Variants in GRM5 observed in about 807,000 individuals in gnomAD.
The protein encoded by GRM5 is glutamate metabotropic receptor 5.
A neutral mutation model predicts 83.1 loss-of-function variants in GRM5; 19 were observed. The ratio of observed to expected loss-of-function variants is 0.23; its 90% CI spans 0.16 to 0.34. GRM5 has a LOEUF of 0.34. Ranked by LOEUF, GRM5 falls within the 10% of genes least tolerant of loss-of-function variation. The pLI is 1.00. For synonymous variants in GRM5, 675 were observed against 633.6 expected (o/e 1.07, Z -0.98); for missense variants, 1,160 against 1,588.3 (o/e 0.73, Z 4.58).
intron 8 of GRM5, among the ~76,000 whole-genome samples, chr11:88,561,844 T>C (rs1211432615): frequency 6.6e-6 from 1 of 152,160 alleles, no homozygotes; most frequent in Non-Finnish European, 1.5e-5. Flanking sequence ...CCCTTTTCTA[T>C]TTGTGCTCTA....
At chr11:88,570,571 ATT>A (rs1194098388) in intron 7 of GRM5, among the ~76,000 whole-genome samples, 58 of 46,346 alleles carry the variant, frequency 1.3e-3, no homozygotes, top group African/African-American at 4.3e-3. Flanking sequence ...ATATATATAT[ATT>A]TTTTTTTTTT....
chr11:88,961,735 C>T (rs1378144401), intron 2 of GRM5, among the ~76,000 whole-genome samples: 1 of 152,156 alleles, frequency 6.6e-6, no homozygotes, highest in Non-Finnish European at 1.5e-5. Context: ...TGTCATCTGG[C>T]ATTGAGCATT....
At chr11:88,924,527 A>G (rs1314814283) in intron 2 of GRM5, among the ~76,000 whole-genome samples, 2 of 152,246 alleles carry the variant, frequency 1.3e-5, no homozygotes, top group East Asian at 1.9e-4. Flanking sequence ...GAAAGACATT[A>G]TACTAAGTCA....
rs540695278 is a variant in GRM5 at position 88,644,049 on chromosome 11, A to T, written c.1147+9119T>A. Among the ~76,000 whole-genome samples, 67 of 152,296 alleles carry T rather than the reference A, an allele frequency of 4.4e-4. No individual in the cohort carries two copies. In the South Asian group the frequency reaches 0.013, roughly 30 times the overall value. On this transcript the variant is annotated intron_variant, in intron 4 of 9. Coordinates refer to ENST00000305447, the MANE Select transcript of GRM5 (RefSeq NM_001143831.3). ...AATATAAACTCTTTGAATGTGAAAAACTTGCACACATTCTACAAATATTAT... is the reference window on the plus strand; with the variant it reads ...AATATAAACTCTTTGAATGTGAAAATCTTGCACACATTCTACAAATATTAT...
At chr11:88,866,004 C>T (rs1196203921) in intron 2 of GRM5, among the ~76,000 whole-genome samples, 1 of 152,080 alleles carries the variant, frequency 6.6e-6, no homozygotes, top group Non-Finnish European at 1.5e-5. Flanking sequence ...TGTGGCGATT[C>T]CTCAAGGATC....
Position 88,755,727 on chromosome 11 carries a change from C to G in GRM5, c.911+94179G>C, listed in dbSNP as rs148110141. ...AAGTAGTTCTGATATTTACCAGGAC[C>G]CATTTGCCTCCAAACAGAGAATTAA... is the stretch of plus-strand genomic sequence containing the variant. On this transcript the variant is annotated intron_variant, in intron 3 of 9. Coordinates refer to ENST00000305447, the MANE Select transcript of GRM5 (RefSeq NM_001143831.3). Among the ~76,000 whole-genome samples the G allele has an allele frequency of 3.3e-3, 499 of 152,128 alleles. 2 individuals carry two copies. Among genetic ancestry groups the G allele is most frequent in the African/African-American group, 0.011 (475 of 41,504 alleles).
chr11:88,616,379 G>A (rs1938483348), intron 4 of GRM5, among the ~76,000 whole-genome samples: 3 of 134,830 alleles, frequency 2.2e-5, no homozygotes, highest in Non-Finnish European at 4.7e-5. Flanking sequence ...ATAAGATAGG[G>A]CTTTGGAGTG....
chr11:89,036,179 G>GCCTT (rs1323284795), intron 2 of GRM5, among the ~76,000 whole-genome samples: 1 of 151,966 alleles, frequency 6.6e-6, no homozygotes, highest in Admixed American at 6.6e-5. Context: ...AACTGTCCAG[G>GCCTT]CCTTGCTCAT....
intron 2 of GRM5, among the ~76,000 whole-genome samples, chr11:88,882,483 C>T (rs1464001940): frequency 6.6e-6 from 1 of 150,408 alleles, no homozygotes; most frequent in African/African-American, 2.4e-5. Context: ...ATGGCATGAA[C>T]CCAGGAGGTG....
At chr11:89,054,046 G>C (rs184116613) in intron 1 of GRM5, among the ~76,000 whole-genome samples, 25 of 152,234 alleles carry the variant, frequency 1.6e-4, no homozygotes, top group Admixed American at 1.6e-3. Context: ...TCATGAGAAC[G>C]TTTTTCTGAG....
intron 4 of GRM5, among the ~76,000 whole-genome samples, chr11:88,606,978 C>T (rs986710329): frequency 7.4e-6 from 1 of 135,992 alleles, no homozygotes; most frequent in African/African-American, 2.7e-5. Flanking sequence ...CAAACAACAA[C>T]AACTCTCCAA....
intron 3 of GRM5, among the ~76,000 whole-genome samples, chr11:88,797,459 A>G (rs1160476482): frequency 1.3e-5 from 2 of 152,188 alleles, no homozygotes; most frequent in East Asian, 1.9e-4. Context: ...GTTTTTAATT[A>G]TAAACCCACT....
At chr11:88,638,314 A>C (rs924280676) in intron 4 of GRM5, among the ~76,000 whole-genome samples, 15 of 152,028 alleles carry the variant, frequency 9.9e-5, no homozygotes, top group Non-Finnish European at 2.2e-4. Flanking sequence ...ATAATAATAA[A>C]ATTTAAAAAA....
chr11:88,774,364 T>A (rs1942803974), intron 3 of GRM5, among the ~76,000 whole-genome samples: 2 of 152,114 alleles, frequency 1.3e-5, no homozygotes, highest in African/African-American at 4.8e-5. Context: ...GACAATAGGG[T>A]TTTCTAAACA....
chr11:89,038,151 TTGTGTGTGTGTG>T (rs35505173), intron 2 of GRM5, among the ~76,000 whole-genome samples: 9 of 144,584 alleles, frequency 6.2e-5, no homozygotes, highest in African/African-American at 2.1e-4. Context: ...TAGAATCTCA[TTGTGTGTGTGTG>T]TGTGTGTGTG....
intron 2 of GRM5, among the ~76,000 whole-genome samples, chr11:89,033,565 T>C (rs1018552358): frequency 2.0e-5 from 3 of 151,990 alleles, no homozygotes; most frequent in African/African-American, 7.2e-5. Context: ...GACATTTTTT[T>C]ATCCAGCTAA....
rs373180323 is a variant in GRM5 at position 88,772,403 on chromosome 11, C to CT, written c.911+77502dup. Among the ~76,000 whole-genome samples the CT allele has an allele frequency of 4.4e-3, 671 of 151,502 alleles. 5 individuals carry two copies. The highest frequency in any genetic ancestry group is 0.015 in the African/African-American group (628 of 41,324). On this transcript the variant is annotated intron_variant, in intron 3 of 9. Coordinates refer to ENST00000305447, the MANE Select transcript of GRM5 (RefSeq NM_001143831.3). ...AACTCTTTTAAATATCAATCATGTA[C>CT]TTTTTTTATTTTTTTTTTACTATCT...
chr11:88,526,091 G>A (rs916785697), intron 8 of GRM5, among the ~76,000 whole-genome samples: 2 of 152,164 alleles, frequency 1.3e-5, no homozygotes, highest in Non-Finnish European at 2.9e-5. Flanking sequence ...GAGAAGACAT[G>A]TTCTTTGGAT....
chr11:88,770,960 AC>A (rs2135449796), intron 3 of GRM5, among the ~76,000 whole-genome samples: 1 of 152,262 alleles, frequency 6.6e-6, no homozygotes, highest in African/African-American at 2.4e-5. Flanking sequence ...AATTTAAATG[AC>A]TTTTCCTCAT....
Sources: gnomAD v4.1 joint callset for allele counts (sites outside exome capture counted in the v4.1 genomes callset) on GRCh38, gnomAD v4.1.1 for gene constraint, MANE v1.5 for transcripts, NCBI Gene and HGNC (gene_info 2026-07-23, HGNC 2026-07-21) for gene names.